PARVA: variants seen among roughly 807,000 people sequenced by gnomAD.
The protein encoded by PARVA is parvin alpha.
PARVA carries 25 observed loss-of-function variants against 52.6 expected under a neutral mutation model. That is an observed-to-expected ratio of 0.48 (90% CI 0.35 to 0.66). The LOEUF is 0.66. Ranked by LOEUF, PARVA falls within the 30% of genes least tolerant of loss-of-function variation. The probability of loss-of-function intolerance (pLI) is 0.01; values close to 1 mark genes in which losing one functional copy is unlikely to be tolerated. For synonymous variants in PARVA, 185 were observed against 179.1 expected (o/e 1.03, Z -0.26); for missense variants, 373 against 450.9 (o/e 0.83, Z 1.56).
At chr11:12,481,067 T>G (rs1314681961) in intron 4 of PARVA, among the ~76,000 whole-genome samples, 1 of 148,586 alleles carries the variant, frequency 6.7e-6, no homozygotes, top group Admixed American at 6.7e-5. Flanking sequence ...TGTTTTTCTC[T>G]TTTTAATTAA....
At chr11:12,420,770 G>A (rs542049104) in intron 1 of PARVA, among the ~76,000 whole-genome samples, 16 of 152,252 alleles carry the variant, frequency 1.1e-4, no homozygotes, top group Admixed American at 5.9e-4. Flanking sequence ...GGCAAGAACC[G>A]TCATTATTCT....
chr11:12,488,979 C>T (rs926999945), intron 4 of PARVA, among the ~76,000 whole-genome samples: 2 of 151,944 alleles, frequency 1.3e-5, no homozygotes, highest in Non-Finnish European at 2.9e-5. Context: ...GCACTGTCAA[C>T]AGAAACAATA....
intron 1 of PARVA, among the ~76,000 whole-genome samples, chr11:12,414,950 T>C (rs2134978402): frequency 6.6e-6 from 1 of 152,262 alleles, no homozygotes; most frequent in East Asian, 1.9e-4. Flanking sequence ...TAAGGAGGAA[T>C]CATCCCACAG....
At chr11:12,527,805 T>A (rs1298544439) in intron 12 of PARVA, 44 bp from the exon 13 acceptor site, 2 of 1,450,906 alleles carry the variant, frequency 1.4e-6, no homozygotes, top group African/African-American at 2.8e-5. Flanking sequence ...CTTTGGAACA[T>A]GTGGCCCCAT....
At chr11:12,504,765 AGGTATGTG>A (rs944103771) in intron 6 of PARVA, among the ~76,000 whole-genome samples, 1 of 53,430 alleles carries the variant, frequency 1.9e-5, no homozygotes, top group Non-Finnish European at 4.0e-5. Flanking sequence ...TCAGGAGGAA[AGGTATGTG>A]GGTGTGTGTG....
At position 12,527,300 on chromosome 11, in the gene PARVA, A is replaced by AGGAG. The variant is rs1340766462; in HGVS notation, c.1043-535_1043-532dup. On this transcript the variant is annotated intron_variant, in intron 12 of 12. Transcript: ENST00000334956. ...AAGGAGGATGGGAGGATCAGAGGAA[A>AGGAG]GGAGGGAGGGAGGGAGGAAGTGAGC... Among the ~76,000 whole-genome samples, 238 of 86,818 alleles carry AGGAG rather than the reference A, an allele frequency of 2.7e-3. 5 individuals carry two copies. The highest frequency in any genetic ancestry group is 0.027 in the Admixed American group (235 of 8,716). The allele number at this position is 86,818 out of a possible 152,430, so 57.0% of individuals were successfully genotyped here.
At chr11:12,469,933 T>C (rs1940911272) in intron 1 of PARVA, among the ~76,000 whole-genome samples, 1 of 152,206 alleles carries the variant, frequency 6.6e-6, no homozygotes, top group Non-Finnish European at 1.5e-5. Context: ...CTTCAAATAT[T>C]GCGTTTCTAG....
chr11:12,380,897 A>G (rs1939475531), intron 1 of PARVA, among the ~76,000 whole-genome samples: 1 of 152,228 alleles, frequency 6.6e-6, no homozygotes, highest in South Asian at 2.1e-4. Flanking sequence ...CCTAAATCAC[A>G]GCCTTCCCTA....
intron 1 of PARVA, among the ~76,000 whole-genome samples, chr11:12,386,857 A>G (rs1939578756): frequency 6.6e-6 from 1 of 152,238 alleles, no homozygotes; most frequent in African/African-American, 2.4e-5. Flanking sequence ...TCTGGGAATT[A>G]CATCATCACA....
At chr11:12,498,282 C>T (rs1474359264) in intron 5 of PARVA, among the ~76,000 whole-genome samples, 3 of 152,066 alleles carry the variant, frequency 2.0e-5, no homozygotes, top group Admixed American at 1.3e-4. Flanking sequence ...GCAGTCCACC[C>T]GCCTCGGCCT....
chr11:12,419,979 ATTATT>A (rs1418685530), intron 1 of PARVA, among the ~76,000 whole-genome samples: 1 of 152,184 alleles, frequency 6.6e-6, no homozygotes, highest in Non-Finnish European at 1.5e-5. Context: ...AGGAAAATAT[ATTATT>A]TTTAGCAGAT....
At chr11:12,484,808 CTTTTTTTTTT>C (rs1177057401) in intron 4 of PARVA, among the ~76,000 whole-genome samples, 1 of 102,638 alleles carries the variant, frequency 9.7e-6, no homozygotes, top group Non-Finnish European at 2.0e-5. Flanking sequence ...TTTTTGTTGA[CTTTTTTTTTT>C]TTTTTTTTTT....
chr11:12,486,897 T>C (rs924744823), intron 4 of PARVA, among the ~76,000 whole-genome samples: 1 of 152,168 alleles, frequency 6.6e-6, no homozygotes, highest in African/African-American at 2.4e-5. Context: ...TAGAGGACCA[T>C]GAACTAAGAG....
chr11:12,396,313 A>G (rs1453357326), intron 1 of PARVA, among the ~76,000 whole-genome samples: 1 of 152,256 alleles, frequency 6.6e-6, no homozygotes, highest in Non-Finnish European at 1.5e-5. Context: ...AACAGTGACA[A>G]TAGAAACTGT....
chr11:12,438,217 G>A (rs959108877), intron 1 of PARVA, among the ~76,000 whole-genome samples: 1 of 147,902 alleles, frequency 6.8e-6, no homozygotes, highest in Non-Finnish European at 1.5e-5. Flanking sequence ...CAGAGATCGC[G>A]CCACTACACC....
intron 12 of PARVA, among the ~76,000 whole-genome samples, chr11:12,525,901 G>T (rs1941694297): frequency 6.6e-6 from 1 of 152,044 alleles, no homozygotes; most frequent in Non-Finnish European, 1.5e-5. Flanking sequence ...GAGGGAGCAG[G>T]CAGGAGGGGC....
chr11:12,434,090 C>T lies in PARVA; in HGVS notation c.137-39655C>T, dbSNP rs539704985. ...CCGCGAGCACTATGTTCTACGTGTTCATAAATCCAAGGTTGGCCTTAGGAC... is the reference window on the plus strand; with the variant it reads ...CCGCGAGCACTATGTTCTACGTGTTTATAAATCCAAGGTTGGCCTTAGGAC... On this transcript the variant is annotated intron_variant, in intron 1 of 12. Transcript: ENST00000334956. Among the ~76,000 whole-genome samples, 18 of 152,304 alleles carry T rather than the reference C, an allele frequency of 1.2e-4. No individual in the cohort carries two copies. In the South Asian group the frequency reaches 2.7e-3, roughly 23 times the overall value.
At chr11:12,486,648 C>G (rs1408994542) in intron 4 of PARVA, among the ~76,000 whole-genome samples, 1 of 152,202 alleles carries the variant, frequency 6.6e-6, no homozygotes. Flanking sequence ...GAATTCAAGA[C>G]CAGCCTGACC....
intron 1 of PARVA, among the ~76,000 whole-genome samples, chr11:12,451,577 T>C (rs962579915): frequency 6.6e-6 from 1 of 152,206 alleles, no homozygotes; most frequent in African/African-American, 2.4e-5. Flanking sequence ...AATATGATTA[T>C]GAATGACAGT....
Sources: gnomAD v4.1 joint callset for allele counts (sites outside exome capture counted in the v4.1 genomes callset) on GRCh38, gnomAD v4.1.1 for gene constraint, MANE v1.5 for transcripts, NCBI Gene and HGNC (gene_info 2026-07-23, HGNC 2026-07-21) for gene names.